Variants in OLFM1 observed in about 807,000 individuals in gnomAD.
The protein encoded by OLFM1 is noelin.
Under a neutral mutation model 49.7 loss-of-function variants are expected in OLFM1, and 9 were observed. That is an observed-to-expected ratio of 0.18 (90% confidence interval 0.11 to 0.32). The LOEUF is 0.32. OLFM1 is among the 10% of genes least tolerant of loss of function. The pLI is 1.00. For missense variants in OLFM1, 369 were observed against 661.8 expected, an observed-to-expected ratio of 0.56 and a Z score of 4.85; for synonymous variants, 240 against 271.8, an observed-to-expected ratio of 0.88 and a Z score of 1.15.
chr9:135,117,100 G>T lies in OLFM1; in HGVS notation c.784-2404G>T, dbSNP rs550668402. ...GATGCATGCAGAGCGGCACCAGCCTGCCAGACTCCCTCTGCCTAACTGCGT... is the reference window on the plus strand; with the variant it reads ...GATGCATGCAGAGCGGCACCAGCCTTCCAGACTCCCTCTGCCTAACTGCGT... On this transcript the variant is annotated intron_variant, in intron 5 of 5. Transcript: ENST00000371793. The surrounding 1 kb of genome is among the most constrained non-coding windows in gnomAD (Gnocchi z 5.5). Among the ~76,000 whole-genome samples, 2 of 152,184 alleles carry T rather than the reference G, an allele frequency of 1.3e-5. No individual in the cohort carries two copies. Among genetic ancestry groups the T allele is most frequent in the Non-Finnish European group, 2.9e-5 (2 of 68,040 alleles).
intron 1 of OLFM1, among the ~76,000 whole-genome samples, chr9:135,089,169 A>T (rs1401700973): frequency 1.3e-5 from 2 of 152,240 alleles, no homozygotes; most frequent in African/African-American, 4.8e-5. Context: ...CTCCTTCAGG[A>T]ATCGGAGGGC....
intron 5 of OLFM1, among the ~76,000 whole-genome samples, 161 bp from the exon 6 acceptor site, chr9:135,119,343 T>C (rs1831153382): frequency 6.8e-6 from 1 of 147,746 alleles, no homozygotes; most frequent in African/African-American, 2.5e-5. Flanking sequence ...GCTCACGGGG[T>C]CTTTGGAGTG....
intron 3 of OLFM1, 51 bp downstream of exon 3, chr9:135,096,070 T>G: frequency 8.7e-7 from 1 of 1,143,204 alleles, no homozygotes; most frequent in Non-Finnish European, 1.2e-6. Flanking sequence ...CCTCCTCCTC[T>G]TCCTCCTCCT....
At chr9:135,096,939 G>A (rs763918825) in intron 3 of OLFM1, among the ~76,000 whole-genome samples, 58 of 152,178 alleles carry the variant, frequency 3.8e-4, no homozygotes, top group Non-Finnish European at 6.9e-4. Context: ...GTGCAGCCAG[G>A]TAGAGAGATG....
chr9:135,119,971 C>T lies in OLFM1; in HGVS notation c.1251C>T (p.Gly417=). Residue 417 remains glycine (G), a synonymous_variant, in exon 6 of 6, where the codon GGC becomes GGT. Coordinates refer to ENST00000371793, the MANE Select transcript of OLFM1 (RefSeq NM_001282611.2). Reference sequence around the variant, plus strand: ...GCGGCACGCTGTACGTCACCAACGGCTACTCAGGGGGTACCAAGGTCCACT... The same window carrying T: ...GCGGCACGCTGTACGTCACCAACGGTTACTCAGGGGGTACCAAGGTCCACT... ...IICGTLYVTN[G]YSGGTKVHYA... 2 of 1,613,710 alleles carry T rather than the reference C, an allele frequency of 1.2e-6. No homozygotes were observed. The highest frequency in any genetic ancestry group is 1.7e-6 in the Non-Finnish European group (2 of 1,180,030).
At chr9:135,095,545 ATC>A (rs1830778493) in intron 2 of OLFM1, among the ~76,000 whole-genome samples, 1 of 149,552 alleles carries the variant, frequency 6.7e-6, no homozygotes, top group African/African-American at 2.5e-5. Context: ...AGAGAGAGAG[ATC>A]AAGAGAAATC....
upstream of OLFM1, chr9:135,087,111 GC>G: frequency 2.3e-6 from 2 of 864,664 alleles, no homozygotes; most frequent in Non-Finnish European, 3.3e-6. Flanking sequence ...GGGCACCGCG[GC>G]TGCCCTGGGA....
exon 1 of OLFM1, chr9:135,075,654 G>C (rs574155189): frequency 1.5e-6 from 2 of 1,362,920 alleles, no homozygotes; most frequent in Non-Finnish European, 2.0e-6. Flanking sequence ...GGCCAGAGCC[G>C]GAGCGCGTCC....
intron 5 of OLFM1, among the ~76,000 whole-genome samples, chr9:135,118,854 G>GGTCTTTGGAGTGCTCACTGT (rs1564282525): frequency 1.6e-5 from 2 of 121,884 alleles, no homozygotes; most frequent in African/African-American, 3.4e-5. Context: ...GTGCTCACCG[G>GGTCTTTGGAGTGCTCACTGT]GTCTTTGGAG....
At chr9:135,089,460 G>T (rs759304105) in intron 1 of OLFM1, among the ~76,000 whole-genome samples, 1 of 152,282 alleles carries the variant, frequency 6.6e-6, no homozygotes, top group East Asian at 1.9e-4. Flanking sequence ...GGGCAGCTCC[G>T]GTTTCTTTGG....
intron 4 of OLFM1, chr9:135,105,709 C>T (rs1039158794): frequency 6.6e-6 from 1 of 152,308 alleles, no homozygotes; most frequent in African/African-American, 2.4e-5. Flanking sequence ...GAGGGTGCCA[C>T]GCAGACCTAG....
At chr9:135,087,656 C>G (rs1346948118), upstream of OLFM1, 1 of 524,328 alleles carries the variant, frequency 1.9e-6, no homozygotes, top group Non-Finnish European at 2.8e-6. Flanking sequence ...GCGCGCAGCC[C>G]GCGCAGCGCT....
At chr9:135,077,416 AG>A in intron 1 of OLFM1, 1 of 712,472 alleles carries the variant, frequency 1.4e-6, no homozygotes, top group Non-Finnish European at 2.0e-6. Flanking sequence ...GTCTTTTTAA[AG>A]ATTCCCTGTT....
upstream of OLFM1, chr9:135,075,505 A>C: frequency 4.8e-6 from 1 of 206,900 alleles, no homozygotes; most frequent in Non-Finnish European, 9.3e-6. Context: ...GCCCGGAGGC[A>C]GACGCGCCGG....
chr9:135,096,081 TCCCCTC>T, intron 3 of OLFM1, 62 bp downstream of exon 3: 1 of 1,491,266 alleles, frequency 6.7e-7, no homozygotes, highest in Admixed American at 1.9e-5. Flanking sequence ...TCCTCCTCCT[TCCCCTC>T]CCTCCTCTCC....
chr9:135,094,614 A>T (rs902199740), intron 2 of OLFM1, among the ~76,000 whole-genome samples: 45 of 152,148 alleles, frequency 3.0e-4, no homozygotes, highest in African/African-American at 1.1e-3. Flanking sequence ...AAATTTCAAG[A>T]TGAGTTTGTG....
upstream of OLFM1, chr9:135,087,207 G>C: frequency 2.2e-6 from 3 of 1,394,654 alleles, no homozygotes; most frequent in Non-Finnish European, 2.8e-6. Flanking sequence ...GCTTTTCGGA[G>C]CCTGCCCTGC....
intron 1 of OLFM1, chr9:135,076,910 G>A (rs1830473782): frequency 6.4e-7 from 1 of 1,550,664 alleles, no homozygotes; most frequent in Non-Finnish European, 8.7e-7. Context: ...TGTTTTGCCT[G>A]GAAGCCCACG....
At chr9:135,076,069 C>T in intron 1 of OLFM1, 1 of 1,464,850 alleles carries the variant, frequency 6.8e-7, no homozygotes, top group Non-Finnish European at 9.0e-7. Flanking sequence ...CTCCGCTGCC[C>T]CCGACTCCCT....
Sources: allele counts gnomAD v4.1 joint callset (sites outside exome capture counted in the v4.1 genomes callset), GRCh38; gene constraint gnomAD v4.1.1; non-coding constraint Gnocchi (gnomAD v3.1); transcripts MANE v1.5; gene names NCBI Gene and HGNC (gene_info 2026-07-23, HGNC 2026-07-21).